The following COA1 variants were observed in gnomAD, a reference collection of about 807,000 sequenced individuals.
COA1 encodes cytochrome c oxidase assembly factor 1, also known as cytochrome c oxidase assembly factor 1 homolog.
A neutral mutation model predicts 16.0 loss-of-function variants in COA1; 13 were observed. The ratio of observed to expected loss-of-function variants is 0.81; its 90% CI spans 0.53 to 1.29. The LOEUF (loss-of-function observed/expected upper bound fraction) is 1.29, where lower values mean the gene tolerates loss of function less well. Ranked by LOEUF, COA1 falls within the 50% of genes most tolerant of loss-of-function variation. COA1 has a pLI of 0.00. For synonymous variants in COA1, 65 were observed against 65.7 expected (o/e 0.99, Z 0.05); for missense variants, 179 against 177.0 (o/e 1.01, Z -0.06).
intron 1 of COA1, among the ~76,000 whole-genome samples, chr7:43,666,854 A>C (rs2092923316): frequency 6.6e-6 from 1 of 152,234 alleles, no homozygotes; most frequent in African/African-American, 2.4e-5. Context: ...AAAAGTTGCT[A>C]AAAGTTAACA....
At chr7:43,699,278 A>G (rs10256312) in intron 1 of COA1, among the ~76,000 whole-genome samples, 22,230 of 152,110 alleles carry the variant, frequency 0.15, 2,201 homozygotes, top group Non-Finnish European at 0.22. Flanking sequence ...AACAAGAAGT[A>G]CCTAGTTCAT....
rs765816798 is a variant in COA1, at chr7:43,683,512, T to C, written c.-38-34860A>G. 1.0e-3 allele frequency among the ~76,000 whole-genome samples: 158 copies of C among 152,082 alleles called. 1 individual carries two copies. The highest frequency in any genetic ancestry group is 1.9e-4 in the Non-Finnish European group (13 of 68,032). ...AGCCAGGCATGGTGGCAGGCACCTG[T>C]AGTCCCAGCTACTCGGGAGTCTGAG... On this transcript the variant is annotated intron_variant, in intron 1 of 5. Coordinates refer to ENST00000223336, the MANE Select transcript of COA1 (RefSeq NM_018224.4).
chr7:43,653,034 A>G (rs2091109945), intron 1 of COA1, among the ~76,000 whole-genome samples: 1 of 152,204 alleles, frequency 6.6e-6, no homozygotes, highest in Non-Finnish European at 1.5e-5. Context: ...TTTAAGAAAA[A>G]GAAGTATGTG....
chr7:43,691,902 G>A (rs368865672), intron 1 of COA1, among the ~76,000 whole-genome samples: 11 of 152,148 alleles, frequency 7.2e-5, no homozygotes, highest in Non-Finnish European at 1.6e-4. Context: ...TTGGCCCAGA[G>A]CCTGCAACCA....
intron 1 of COA1, among the ~76,000 whole-genome samples, chr7:43,658,520 C>G (rs2092061516): frequency 6.6e-6 from 1 of 151,978 alleles, no homozygotes; most frequent in South Asian, 2.1e-4. Flanking sequence ...TGAATGAAAT[C>G]GAATTGTTTT....
chr7:43,649,777 A>G (rs1275439771), intron 1 of COA1: 1 of 152,270 alleles, frequency 6.6e-6, no homozygotes, highest in African/African-American at 2.4e-5. Context: ...TGGAAGTACT[A>G]TAAAGTATCT....
chr7:43,638,385 G>A (rs1361790732), downstream of COA1, among the ~76,000 whole-genome samples: 2 of 152,086 alleles, frequency 1.3e-5, no homozygotes, highest in Admixed American at 1.3e-4. Context: ...CCAGATTTCT[G>A]TTTTTGTAGG....
intron 6 of COA1, among the ~76,000 whole-genome samples, chr7:43,621,503 A>T (rs1169102629): frequency 1.3e-5 from 2 of 152,156 alleles, no homozygotes; most frequent in Non-Finnish European, 2.9e-5. Context: ...TGTTTGAGAG[A>T]GTCTCACTCT....
intron 1 of COA1, among the ~76,000 whole-genome samples, chr7:43,720,430 CCTTT>C (rs1563484588): frequency 6.6e-6 from 1 of 152,014 alleles, no homozygotes; most frequent in African/African-American, 2.4e-5. Flanking sequence ...TGGTCCCCTT[CCTTT>C]TTCTTTTTTT....
At chr7:43,643,353 G>A (rs994933661) in intron 4 of COA1, among the ~76,000 whole-genome samples, 11 of 152,322 alleles carry the variant, frequency 7.2e-5, no homozygotes, top group African/African-American at 2.4e-4. Flanking sequence ...TGAGAGAAAC[G>A]CAACAGCCAG....
intron 1 of COA1, among the ~76,000 whole-genome samples, chr7:43,697,441 G>A (rs542792491): frequency 3.3e-5 from 5 of 152,092 alleles, no homozygotes; most frequent in South Asian, 4.2e-4. Context: ...ACAGGGGCAT[G>A]TGTCACCATT....
In COA1 at chr7:43,647,536, T is replaced by C. The variant is rs374709290; in HGVS notation, c.114A>G (p.Gln38=). ...GCAGGCGGCTAGCAGGATACTTACT[T>C]TGAATGAGGTAATACACAATGGCAA... is the stretch of plus-strand genomic sequence containing the variant. ...GGFAIVYYLI[Q]KFHSRALYYK... The change falls in exon 3 of 6, where the codon CAA becomes CAG. Residue 38 remains glutamine, a splice_region_variant and synonymous_variant. Coordinates refer to ENST00000223336, the MANE Select transcript of COA1 (RefSeq NM_018224.4). 1.9e-5 allele frequency: 30 copies of C among 1,610,216 alleles called. No homozygotes were observed. Among genetic ancestry groups the C allele is most frequent in the South Asian group, 1.6e-4 (15 of 91,012 alleles).
intron 1 of COA1, among the ~76,000 whole-genome samples, chr7:43,726,299 G>A (rs2095615937): frequency 6.6e-6 from 1 of 152,180 alleles, no homozygotes; most frequent in South Asian, 2.1e-4. Flanking sequence ...CAGGGACTCA[G>A]ATGTCACACT....
At chr7:43,724,611 A>G (rs1327645636) in intron 1 of COA1, among the ~76,000 whole-genome samples, 3 of 152,192 alleles carry the variant, frequency 2.0e-5, no homozygotes. Context: ...CAATGTTCAC[A>G]GCAGCACTAT....
intron 1 of COA1, among the ~76,000 whole-genome samples, chr7:43,691,472 AG>A (rs2094364413): frequency 1.4e-5 from 2 of 138,672 alleles, no homozygotes; most frequent in Non-Finnish European, 1.5e-5. Flanking sequence ...AAAGAAAGAA[AG>A]AAAGAAATTA....
At chr7:43,633,580 A>G (rs929284847) in intron 6 of COA1, among the ~76,000 whole-genome samples, 26 of 152,124 alleles carry the variant, frequency 1.7e-4, no homozygotes, top group African/African-American at 6.3e-4. Flanking sequence ...GAGTAATTTA[A>G]AAGTCTGAAG....
At chr7:43,665,233 C>T (rs922569292) in intron 1 of COA1, among the ~76,000 whole-genome samples, 1 of 152,132 alleles carries the variant, frequency 6.6e-6, no homozygotes, top group African/African-American at 2.4e-5. Context: ...AAGATTTGAG[C>T]TTTCAATCTA....
intron 1 of COA1, chr7:43,649,437 A>T (rs574151531): frequency 6.6e-6 from 1 of 152,358 alleles, no homozygotes; most frequent in African/African-American, 2.4e-5. Flanking sequence ...ATATATTCTT[A>T]CTGTTCAGTG....
intron 1 of COA1, among the ~76,000 whole-genome samples, chr7:43,722,886 T>C (rs771145045): frequency 1.3e-5 from 2 of 152,172 alleles, no homozygotes; most frequent in Non-Finnish European, 2.9e-5. Flanking sequence ...CCAGTACATT[T>C]GCAAATGCCA....
Sources: allele counts gnomAD v4.1 joint callset (sites outside exome capture counted in the v4.1 genomes callset), GRCh38; gene constraint gnomAD v4.1.1; transcripts MANE v1.5; gene names NCBI Gene and HGNC (gene_info 2026-07-23, HGNC 2026-07-21).